The following SOBP variants were observed in gnomAD, a reference collection of about 807,000 sequenced individuals.
The protein encoded by SOBP is sine oculis binding protein homolog.
SOBP carries 4 observed loss-of-function variants against 53.6 expected under a neutral mutation model. The ratio of observed to expected loss-of-function variants is 0.07; its 90% CI spans 0.04 to 0.17. SOBP has a LOEUF of 0.17. Among genes scored for constraint, SOBP ranks in the 10% least tolerant of loss-of-function variants. The pLI is 1.00. For missense variants in SOBP, 1,088 were observed against 1,204.7 expected, an observed-to-expected ratio of 0.90 and a Z score of 1.43; for synonymous variants, 584 against 522.6, an observed-to-expected ratio of 1.12 and a Z score of -1.60.
intron 3 of SOBP, among the ~76,000 whole-genome samples, chr6:107,528,131 T>G (rs910874129): frequency 2.0e-5 from 3 of 152,240 alleles, no homozygotes; most frequent in African/African-American, 7.2e-5. Context: ...AAAGAATCAT[T>G]CATTTCAAAG....
At chr6:107,524,419 G>T (rs1006888101) in intron 3 of SOBP, among the ~76,000 whole-genome samples, 5 of 152,234 alleles carry the variant, frequency 3.3e-5, no homozygotes, top group Admixed American at 6.5e-5. Context: ...GCCCAGGGAT[G>T]GGGATACGAT....
At chr6:107,631,223 CA>C (rs1371084186) in intron 5 of SOBP, among the ~76,000 whole-genome samples, 1 of 151,822 alleles carries the variant, frequency 6.6e-6, no homozygotes, top group Non-Finnish European at 1.5e-5. Context: ...AAATAAGATC[CA>C]AAAAAATATG....
At chr6:107,493,781 T>C (rs1172422767) in intron 1 of SOBP, among the ~76,000 whole-genome samples, 1 of 152,224 alleles carries the variant, frequency 6.6e-6, no homozygotes, top group African/African-American at 2.4e-5. Flanking sequence ...TATTTTAAAA[T>C]GGCTGGAGAA....
intron 3 of SOBP, among the ~76,000 whole-genome samples, chr6:107,527,139 C>G (rs992927795): frequency 1.3e-5 from 2 of 152,182 alleles, no homozygotes; most frequent in African/African-American, 4.8e-5. Context: ...AGTTGTTGCT[C>G]TGATACTTTT....
chr6:107,497,385 A>G (rs765711495), intron 1 of SOBP, among the ~76,000 whole-genome samples: 1 of 152,200 alleles, frequency 6.6e-6, no homozygotes, highest in Non-Finnish European at 1.5e-5. Flanking sequence ...TAGGACTGTG[A>G]CTATAGCTGA....
intron 6 of SOBP, among the ~76,000 whole-genome samples, chr6:107,653,399 G>A (rs1771890626): frequency 1.3e-5 from 2 of 152,234 alleles, no homozygotes; most frequent in Non-Finnish European, 1.5e-5. Context: ...CAGATAAACA[G>A]CGTTGCCGCA....
intron 6 of SOBP, among the ~76,000 whole-genome samples, chr6:107,651,665 T>A (rs989835641): frequency 6.6e-6 from 1 of 152,190 alleles, no homozygotes; most frequent in Non-Finnish European, 1.5e-5. Context: ...AAAACAGCTT[T>A]ATATTGAAAG....
At chr6:107,543,097 G>A (rs1367863225) in intron 4 of SOBP, among the ~76,000 whole-genome samples, 3 of 152,242 alleles carry the variant, frequency 2.0e-5, no homozygotes, top group Middle Eastern at 3.4e-3. Flanking sequence ...TTACTTGTAG[G>A]GTGTGTCAGG....
chr6:107,642,375 A>C (rs534562179), intron 6 of SOBP, among the ~76,000 whole-genome samples: 16 of 152,380 alleles, frequency 1.1e-4, no homozygotes, highest in African/African-American at 3.4e-4. Context: ...ACTGGAGCAA[A>C]AGAAAATGAC....
At chr6:107,648,026 C>G (rs374123783) in intron 6 of SOBP, among the ~76,000 whole-genome samples, 2 of 152,206 alleles carry the variant, frequency 1.3e-5, no homozygotes, top group African/African-American at 2.4e-5. Flanking sequence ...CCCTCCCTCT[C>G]TCTGCTAATG....
chr6:107,561,314 A>G (rs1784765036), intron 4 of SOBP, among the ~76,000 whole-genome samples: 1 of 152,234 alleles, frequency 6.6e-6, no homozygotes, highest in African/African-American at 2.4e-5. Flanking sequence ...TAAATATTTC[A>G]TCATTCTCTG....
rs149120679 is a variant in SOBP, at chr6:107,578,630, G to A, written c.574-8450G>A. ...ATTTCTTTCCTTGATATATGTATGA[G>A]TGTGTGCATTAAATGAGTTGATACA... is the stretch of plus-strand genomic sequence containing the variant. On this transcript the variant is annotated intron_variant, in intron 4 of 6. Coordinates refer to ENST00000317357, the MANE Select transcript of SOBP (RefSeq NM_018013.4). 7.2e-5 allele frequency among the ~76,000 whole-genome samples: 11 copies of A among 152,316 alleles called. No homozygotes were observed. The East Asian group carries it at 2.1e-3, about 29-fold the overall frequency.
chr6:107,637,783 G>T (rs925081524), intron 6 of SOBP, among the ~76,000 whole-genome samples: 112 of 152,274 alleles, frequency 7.4e-4, no homozygotes, highest in African/African-American at 2.5e-3. Flanking sequence ...AGTAGCTTGG[G>T]ACCAAAATAA....
At chr6:107,578,041 T>C (rs887999729) in intron 4 of SOBP, among the ~76,000 whole-genome samples, 4 of 134,142 alleles carry the variant, frequency 3.0e-5, no homozygotes, top group Non-Finnish European at 1.5e-5. Context: ...GCCACTGCGC[T>C]CCAGCCTGGG....
Position 107,634,528 on chromosome 6 carries a change from T to G in SOBP, c.1684T>G (p.Phe562Val). ...CGGGTTCTCCAGCAACGGGGAGAACTTCATTCCGAACGCCCCTGGCGACTC... is the reference window on the plus strand; with the variant it reads ...CGGGTTCTCCAGCAACGGGGAGAACGTCATTCCGAACGCCCCTGGCGACTC... ...PNGFSSNGEN[F>V]IPNAPGDSAA... Residue 562 changes from phenylalanine (F) to valine (V), a missense_variant, in exon 6 of 7, where the codon TTC (phenylalanine) becomes GTC (valine). Around this residue, in one of 6 missense-constraint regions of SOBP, gnomAD observed 665 missense variants for 629.7 expected, o/e 1.06. Coordinates refer to ENST00000317357, the MANE Select transcript of SOBP (RefSeq NM_018013.4). The surrounding 1 kb of genome is among the most constrained non-coding windows in gnomAD (Gnocchi z 4.5). The G allele has an allele frequency of 6.2e-7, 1 of 1,610,652 alleles. No homozygotes were observed. Among genetic ancestry groups the G allele is most frequent in the Non-Finnish European group, 8.5e-7 (1 of 1,179,856 alleles).
chr6:107,610,652 T>C (rs1477602683), intron 5 of SOBP, among the ~76,000 whole-genome samples: 2 of 152,244 alleles, frequency 1.3e-5, no homozygotes, highest in Non-Finnish European at 2.9e-5. Context: ...TTTCAAAGCA[T>C]TCAGGTCTTG....
chr6:107,655,645 A>G (rs1464632390), intron 6 of SOBP, among the ~76,000 whole-genome samples: 1 of 152,190 alleles, frequency 6.6e-6, no homozygotes, highest in Non-Finnish European at 1.5e-5. Flanking sequence ...AACACATATT[A>G]TTTACCAGAC....
In SOBP at chr6:107,522,050, TTAAGA is replaced by T. The variant is rs112308303; in HGVS notation, c.422-11401_422-11397del. 8.2e-3 allele frequency among the ~76,000 whole-genome samples: 1,245 copies of T among 151,858 alleles called. 22 individuals are homozygous for T. The highest frequency in any genetic ancestry group is 0.025 in the African/African-American group (1,051 of 41,352). ...AGGGAAGGTCTCCCTAGGATGAGGT[TTAAGA>T]TAAGATACAAAGGACTGAATTCATC... is the stretch of plus-strand genomic sequence containing the variant. On this transcript the variant is annotated intron_variant, in intron 3 of 6. Transcript: ENST00000317357.
intron 5 of SOBP, among the ~76,000 whole-genome samples, chr6:107,591,326 G>A (rs2115065432): frequency 6.6e-6 from 1 of 152,322 alleles, no homozygotes; most frequent in South Asian, 2.1e-4. Flanking sequence ...ATTAGCTGCT[G>A]TTATTATCAT....
Sources: allele counts gnomAD v4.1 joint callset (sites outside exome capture counted in the v4.1 genomes callset), GRCh38; gene constraint gnomAD v4.1.1; regional missense constraint gnomAD v4.1.1; non-coding constraint Gnocchi (gnomAD v3.1); transcripts MANE v1.5; gene names NCBI Gene and HGNC (gene_info 2026-07-23, HGNC 2026-07-21).